The following HDGFL2 variants were observed in gnomAD, a reference collection of about 807,000 sequenced individuals.
HDGFL2 encodes HDGF like 2.
A neutral mutation model predicts 77.1 loss-of-function variants in HDGFL2; 36 were observed. The ratio of observed to expected loss-of-function variants is 0.47; its 90% CI spans 0.36 to 0.62. The LOEUF (loss-of-function observed/expected upper bound fraction) is 0.62, where lower values mean the gene tolerates loss of function less well. Ranked by LOEUF, HDGFL2 falls within the 20% of genes least tolerant of loss-of-function variation. HDGFL2 has a pLI of 0.00. For missense variants in HDGFL2, 976 were observed against 973.4 expected (o/e 1.00, Z -0.04); for synonymous variants, 463 against 413.1 (o/e 1.12, Z -1.46).
At chr19:4,482,435 C>T (rs1975244801) in intron 3 of HDGFL2, among the ~76,000 whole-genome samples, 1 of 152,094 alleles carries the variant, frequency 6.6e-6, no homozygotes, top group Non-Finnish European at 1.5e-5. Context: ...ATCTCGAACT[C>T]CTGACCTTAT....
At position 4,494,222 on chromosome 19, in the gene HDGFL2, G is replaced by A; in HGVS notation, c.971G>A (p.Arg324Lys). The A allele has an allele frequency of 6.8e-7, 1 of 1,464,464 alleles. No homozygotes were observed. The highest frequency in any genetic ancestry group is 9.0e-7 in the Non-Finnish European group (1 of 1,111,952). 90.7% of individuals were successfully genotyped at this position (1,464,464 alleles called of 1,614,324 possible). A position where few individuals can be genotyped will look rare whatever the true frequency, so the allele number is the denominator to read the frequency against. The part of the protein sequence containing the change: ...SEWKRRDEAR[R>K]RELEARRRRE... ...TGGAAGCGGCGGGACGAGGCGCGGA[G>A]GCGCGAGCTGGAGGCCCGGCGGCGG... The change falls in exon 9 of 16, where the codon AGG becomes AAG. Residue 324 changes from arginine (R) to lysine (K), a missense_variant. Around this residue, in one of 5 missense-constraint regions of HDGFL2, gnomAD observed 567 missense variants for 534.7 expected, o/e 1.06. Coordinates refer to ENST00000616600, the MANE Select transcript of HDGFL2 (RefSeq NM_001001520.3).
In HDGFL2 at chr19:4,472,435, G is replaced by T; in HGVS notation, c.72+13G>T. 2.3e-6 allele frequency: 3 copies of T among 1,277,382 alleles called. No individual in the cohort carries two copies. The highest frequency in any genetic ancestry group is 2.1e-6 in the Non-Finnish European group (2 of 963,788). 79.1% of individuals were successfully genotyped at this position (1,277,382 alleles called of 1,614,324 possible). ...CTGGCCTGCCAGGGTGAGGCCGCGC[G>T]GGAGATGGGGCCGGTGGGGGGGGGG... On this transcript the variant is annotated intron_variant, in intron 1 of 15. Transcript: ENST00000616600.
At chr19:4,497,806 A>G (rs566978007) in intron 10 of HDGFL2, 152 bp from the exon 11 acceptor site, 1 of 658,774 alleles carries the variant, frequency 1.5e-6, no homozygotes, top group Non-Finnish European at 2.6e-6. Context: ...AGGCTGTGGC[A>G]GGGCCTCCCC....
chr19:4,481,754 G>T (rs1975223766), intron 3 of HDGFL2, among the ~76,000 whole-genome samples: 1 of 152,122 alleles, frequency 6.6e-6, no homozygotes. Flanking sequence ...ACCGTGCCCG[G>T]CCCTCAGTTT....
intron 14 of HDGFL2, 114 bp downstream of exon 14, chr19:4,499,818 CAG>C: frequency 1.1e-6 from 1 of 871,552 alleles, no homozygotes; most frequent in Middle Eastern, 3.6e-4. Context: ...CCAAACCTGC[CAG>C]AGTGTCATGT....
At position 4,488,814 on chromosome 19, in the gene HDGFL2, G is replaced by A. The variant is rs367904154; in HGVS notation, c.427G>A (p.Asp143Asn). The A allele has an allele frequency of 2.4e-4, 369 of 1,551,706 alleles. 2 individuals carry two copies. Among genetic ancestry groups the A allele is most frequent in the Non-Finnish European group, 2.3e-4 (259 of 1,147,074 alleles). ...AGCTGCCAGCGACAGGATGGAGAGC[G>A]ACTCAGACTCAGACAAGAGTAGCGA... ...ATAASDRMESDSDSDKSSDNS... is the reference protein window; with the variant it reads ...ATAASDRMESNSDSDKSSDNS... Residue 143 changes from aspartate (D) to asparagine (N), a missense_variant, in exon 4 of 16, where the codon GAC (aspartate) becomes AAC (asparagine). Asp to Asn is a conservative substitution (Grantham distance 23). Coordinates refer to ENST00000616600, the MANE Select transcript of HDGFL2 (RefSeq NM_001001520.3).
intron 3 of HDGFL2, among the ~76,000 whole-genome samples, 185 bp downstream of exon 3, chr19:4,475,768 A>G (rs986260564): frequency 1.1e-4 from 16 of 151,226 alleles, no homozygotes; most frequent in Non-Finnish European, 1.9e-4. Flanking sequence ...TGCCAAGGCC[A>G]CCCCCACCCC....
At chr19:4,494,768 A>C (rs1975657079) in intron 9 of HDGFL2, among the ~76,000 whole-genome samples, 1 of 152,152 alleles carries the variant, frequency 6.6e-6, no homozygotes, top group Non-Finnish European at 1.5e-5. Context: ...ACCTTAAAAA[A>C]TTAGCTGGGC....
At position 4,498,468 on chromosome 19, in the gene HDGFL2, G is replaced by A. The variant is rs555992193; in HGVS notation, c.1473+92G>A. Reference sequence around the variant, plus strand: ...TGTCTCGGGAAACTGAGGCAAAGCCGGGGTCCTGCAGTTGGGTGGGCCAGG... The same window carrying A: ...TGTCTCGGGAAACTGAGGCAAAGCCAGGGTCCTGCAGTTGGGTGGGCCAGG... On this transcript the variant is annotated intron_variant, in intron 12 of 15. Transcript: ENST00000616600. 1,102 of 1,051,538 alleles carry A rather than the reference G, an allele frequency of 1.0e-3. 3 individuals carry two copies. The highest frequency in any genetic ancestry group is 1.3e-3 in the Non-Finnish European group (925 of 695,432). The allele number at this position is 1,051,538 out of a possible 1,614,324, so 65.1% of individuals were successfully genotyped here. A position where few individuals can be genotyped will look rare whatever the true frequency, so the allele number is the denominator to read the frequency against.
At chr19:4,483,129 C>T (rs1049992682) in intron 3 of HDGFL2, among the ~76,000 whole-genome samples, 14 of 152,242 alleles carry the variant, frequency 9.2e-5, no homozygotes, top group African/African-American at 3.4e-4. Context: ...GCGGCCTGAC[C>T]TACTTAGTAT....
intron 4 of HDGFL2, among the ~76,000 whole-genome samples, chr19:4,490,570 C>G (rs10424205): frequency 0.079 from 11,989 of 152,254 alleles, 530 homozygotes; most frequent in African/African-American, 0.12. Flanking sequence ...GGTATATTCT[C>G]TGTCCTGCCT....
Position 4,491,475 on chromosome 19 carries a change from A to G in HDGFL2, c.490-91A>G, listed in dbSNP as rs566394208. 1.1e-5 allele frequency: 12 copies of G among 1,065,830 alleles called. No individual in the cohort carries two copies. In the East Asian group the frequency reaches 2.8e-4, roughly 25 times the overall value. 66.0% of individuals were successfully genotyped at this position (1,065,830 alleles called of 1,614,324 possible). A position where few individuals can be genotyped will look rare whatever the true frequency, so the allele number is the denominator to read the frequency against. On this transcript the variant is annotated intron_variant, in intron 4 of 15. Coordinates refer to ENST00000616600, the MANE Select transcript of HDGFL2 (RefSeq NM_001001520.3). ...GCCCGCCAGAGAGGTTCCAGAGCTC[A>G]GCTGTCGTGGGTGGTGGGCAGTCAG...
intron 1 of HDGFL2, among the ~76,000 whole-genome samples, chr19:4,473,509 C>T (rs1000653313): frequency 4.6e-5 from 7 of 151,688 alleles, no homozygotes; most frequent in Non-Finnish European, 8.8e-5. Flanking sequence ...AACTGCGGAA[C>T]TTGAGATTTG....
chr19:4,498,111 C>T, intron 11 of HDGFL2, 80 bp downstream of exon 11: 1 of 1,335,972 alleles, frequency 7.5e-7, no homozygotes, highest in South Asian at 1.3e-5. Context: ...CTGGCCTGTC[C>T]CGCCTGTCCC....
Position 4,499,494 on chromosome 19 carries a change from C to T in HDGFL2, c.1579C>T (p.Arg527Cys), listed in dbSNP as rs1413483415. Residue 527 changes from arginine (R) to cysteine (C), a missense_variant, in exon 14 of 16, where the codon CGC becomes TGC. By Grantham distance (180) the Arg-to-Cys change is radical. Around this residue, in one of 5 missense-constraint regions of HDGFL2, gnomAD observed 46 missense variants for 81.3 expected, o/e 0.57. Coordinates refer to ENST00000616600, the MANE Select transcript of HDGFL2 (RefSeq NM_001001520.3). ...TDVVATLKKI[R>C]RYKANKDVME... The stretch of plus-strand genomic sequence containing the variant: ...GGCCTCTTCTCTTGGTGGCCAGATT[C>T]GCCGTTACAAAGCGAACAAGGACGT... The T allele has an allele frequency of 3.1e-6, 5 of 1,612,460 alleles. No individual in the cohort carries two copies. The highest frequency in any genetic ancestry group is 4.2e-6 in the Non-Finnish European group (5 of 1,179,348).
chr19:4,487,537 G>T (rs1387008260), intron 3 of HDGFL2, among the ~76,000 whole-genome samples: 2 of 152,166 alleles, frequency 1.3e-5, no homozygotes, highest in Admixed American at 6.6e-5. Context: ...GATTACAGGC[G>T]TGAGCCACCA....
chr19:4,474,075 G>A (rs1322969529), intron 1 of HDGFL2, among the ~76,000 whole-genome samples: 1 of 152,162 alleles, frequency 6.6e-6, no homozygotes, highest in South Asian at 2.1e-4. Flanking sequence ...AGAGGTACAG[G>A]CCAGCGGGAA....
At chr19:4,485,851 A>C (rs1211972084) in intron 3 of HDGFL2, among the ~76,000 whole-genome samples, 2 of 145,064 alleles carry the variant, frequency 1.4e-5, no homozygotes, top group Admixed American at 1.4e-4. Flanking sequence ...GTTTGAGACC[A>C]GCCTGGGCAA....
intron 4 of HDGFL2, 125 bp downstream of exon 4, chr19:4,489,001 T>A: frequency 2.8e-6 from 2 of 712,852 alleles, no homozygotes; most frequent in Non-Finnish European, 2.3e-6. Context: ...TCGCCCAGGC[T>A]GGAGTGCAGT....
Sources: allele counts gnomAD v4.1 joint callset (sites outside exome capture counted in the v4.1 genomes callset), GRCh38; gene constraint gnomAD v4.1.1; regional missense constraint gnomAD v4.1.1; transcripts MANE v1.5; gene names NCBI Gene and HGNC (gene_info 2026-07-23, HGNC 2026-07-21).